FGGY: variants seen among roughly 807,000 people sequenced by gnomAD.
The protein encoded by FGGY is FGGY carbohydrate kinase domain-containing protein.
In FGGY, 72 loss-of-function variants were observed where a neutral mutation model predicts 71.3. That is an observed-to-expected ratio of 1.01 (90% confidence interval 0.84 to 1.23). FGGY has a LOEUF of 1.23. Among genes scored for constraint, FGGY ranks in the 50% most tolerant of loss-of-function variants. The pLI is 0.00. For missense variants in FGGY, 668 were observed against 682.3 expected (o/e 0.98, Z 0.23); for synonymous variants, 251 against 250.3 (o/e 1.00, Z -0.02).
At chr1:59,554,377 C>T in intron 8 of FGGY, 150 bp downstream of exon 8, 1 of 555,828 alleles carries the variant, frequency 1.8e-6, no homozygotes, top group Admixed American at 3.3e-5. Flanking sequence ...CCCAGCTCCC[C>T]ACTCTACCTC....
At chr1:59,304,192 A>G (rs2043140845) in intron 1 of FGGY, among the ~76,000 whole-genome samples, 2 of 152,134 alleles carry the variant, frequency 1.3e-5, no homozygotes, top group Admixed American at 1.3e-4. Flanking sequence ...GTTTTCTTCT[A>G]GGAGTTTTAA....
intron 5 of FGGY, among the ~76,000 whole-genome samples, chr1:59,398,198 A>G (rs17119382): frequency 0.022 from 3,294 of 152,222 alleles, 101 homozygotes; most frequent in African/African-American, 0.075. Flanking sequence ...CTCCAGCTAC[A>G]GTCAATTTTG....
intron 7 of FGGY, among the ~76,000 whole-genome samples, chr1:59,533,581 A>C (rs1009873957): frequency 2.4e-4 from 37 of 152,240 alleles, no homozygotes; most frequent in Non-Finnish European, 1.2e-4. Flanking sequence ...TAACCTCTGC[A>C]GACTTAAATG....
intron 5 of FGGY, among the ~76,000 whole-genome samples, chr1:59,426,036 G>A (rs969453232): frequency 3.9e-5 from 6 of 152,044 alleles, no homozygotes; most frequent in Non-Finnish European, 8.8e-5. Context: ...TGCACCACTG[G>A]AGTACTGCTT....
intron 8 of FGGY, among the ~76,000 whole-genome samples, chr1:59,606,527 AT>A (rs559427248): frequency 5.3e-5 from 8 of 151,256 alleles, no homozygotes; most frequent in Admixed American, 1.3e-4. Flanking sequence ...ATGTATTAAC[AT>A]TTTTTTTTCA....
intron 11 of FGGY, among the ~76,000 whole-genome samples, chr1:59,650,157 T>C (rs1422307973): frequency 6.8e-6 from 1 of 148,036 alleles, no homozygotes; most frequent in Admixed American, 6.6e-5. Context: ...TTTGCCAGTA[T>C]TGTATTGAGG....
chr1:59,361,619 A>G (rs1279140781), intron 4 of FGGY, among the ~76,000 whole-genome samples: 1 of 152,164 alleles, frequency 6.6e-6, no homozygotes, highest in East Asian at 1.9e-4. Flanking sequence ...CATGCTATTA[A>G]TTACAGGATT....
At chr1:59,325,861 C>T (rs1457414000) in intron 2 of FGGY, among the ~76,000 whole-genome samples, 3 of 152,186 alleles carry the variant, frequency 2.0e-5, no homozygotes, top group African/African-American at 4.8e-5. Context: ...TGAGATGGCT[C>T]CAAATCTTCC....
chr1:59,481,364 A>T (rs1020448083), intron 6 of FGGY, among the ~76,000 whole-genome samples: 4 of 152,096 alleles, frequency 2.6e-5, no homozygotes, highest in African/African-American at 9.7e-5. Context: ...TAGAACCATT[A>T]ATTTGTGGCT....
intron 9 of FGGY, among the ~76,000 whole-genome samples, chr1:59,625,529 T>C (rs183219765): frequency 2.0e-5 from 3 of 152,250 alleles, no homozygotes; most frequent in Admixed American, 2.0e-4. Context: ...TCATAGTCTC[T>C]TTCATTCAGC....
chr1:59,587,154 G>A (rs531389473), intron 8 of FGGY, among the ~76,000 whole-genome samples: 5 of 152,340 alleles, frequency 3.3e-5, no homozygotes, highest in Admixed American at 3.3e-4. Flanking sequence ...CCCGCACCTG[G>A]CTTGGAGGGT....
chr1:59,536,598 G>A (rs1037821501), intron 7 of FGGY, among the ~76,000 whole-genome samples: 7 of 152,032 alleles, frequency 4.6e-5, no homozygotes, highest in East Asian at 1.9e-4. Flanking sequence ...CTGGCAAACC[G>A]AATCCAGCAG....
chr1:59,343,872 T>C (rs146334630), intron 3 of FGGY, among the ~76,000 whole-genome samples: 9 of 152,290 alleles, frequency 5.9e-5, no homozygotes, highest in African/African-American at 2.2e-4. Context: ...GGCAGAAGTT[T>C]AGCAACAGGT....
chr1:59,470,081 A>C (rs980601232), intron 6 of FGGY, among the ~76,000 whole-genome samples: 1 of 152,132 alleles, frequency 6.6e-6, no homozygotes. Flanking sequence ...TGTCTTTATA[A>C]TAGAATGATC....
intron 12 of FGGY, among the ~76,000 whole-genome samples, chr1:59,666,630 G>A (rs1271565271): frequency 6.6e-6 from 1 of 152,168 alleles, no homozygotes; most frequent in African/African-American, 2.4e-5. Context: ...GAGACACAAG[G>A]CTGAATTGAA....
intron 11 of FGGY, among the ~76,000 whole-genome samples, chr1:59,658,942 C>T (rs573154845): frequency 5.3e-4 from 81 of 152,264 alleles, no homozygotes; most frequent in Non-Finnish European, 7.8e-4. Flanking sequence ...TGGCTTCTGG[C>T]CAGGCGCAGT....
intron 6 of FGGY, among the ~76,000 whole-genome samples, chr1:59,457,684 T>C (rs2091848990): frequency 6.6e-6 from 1 of 152,114 alleles, no homozygotes; most frequent in South Asian, 2.1e-4. Context: ...AATAGCATAC[T>C]CAAGGGGCTG....
intron 8 of FGGY, among the ~76,000 whole-genome samples, chr1:59,600,810 C>T (rs2096569832): frequency 6.6e-6 from 1 of 152,132 alleles, no homozygotes; most frequent in Admixed American, 6.5e-5. Context: ...TTGTCAGACT[C>T]CTAAGTCTGT....
At chr1:59,526,163 T>C (rs2094972639) in intron 7 of FGGY, among the ~76,000 whole-genome samples, 1 of 152,200 alleles carries the variant, frequency 6.6e-6, no homozygotes, top group Non-Finnish European at 1.5e-5. Context: ...TATGTGTATA[T>C]GTGAGTGGAT....
Sources: gnomAD v4.1 joint callset for allele counts (sites outside exome capture counted in the v4.1 genomes callset) on GRCh38, gnomAD v4.1.1 for gene constraint, MANE v1.5 for transcripts, NCBI Gene and HGNC (gene_info 2026-07-23, HGNC 2026-07-21) for gene names.